TENM2: variants seen among roughly 807,000 people sequenced by gnomAD.
TENM2 encodes the protein teneurin-2.
In TENM2, 52 loss-of-function variants were observed where a neutral mutation model predicts 245.2. The observed-to-expected ratio is 0.21, with a 90% CI of 0.17 to 0.27. The LOEUF (loss-of-function observed/expected upper bound fraction) is 0.27, where lower values mean the gene tolerates loss of function less well. Among genes scored for constraint, TENM2 ranks in the 10% least tolerant of loss-of-function variants. The pLI is 1.00. For missense variants in TENM2, 3,046 were observed against 3,666.8 expected, an observed-to-expected ratio of 0.83 and a Z score of 4.37; for synonymous variants, 1,363 against 1,438.9, an observed-to-expected ratio of 0.95 and a Z score of 1.19.
At chr5:167,245,399 A>G in the TENM2 span, among the ~76,000 whole-genome samples, 1 of 152,202 alleles carries the variant, frequency 6.6e-6, no homozygotes, top group East Asian at 1.9e-4. Context: ...AGGTATTCTC[A>G]TTTACTTCTA....
chr5:167,894,669 A>T (rs774259907), intron 3 of TENM2, among the ~76,000 whole-genome samples: 1 of 151,976 alleles, frequency 6.6e-6, no homozygotes, highest in Non-Finnish European at 1.5e-5. Context: ...TCAACACCCA[A>T]CAGTGCCCTG....
chr5:167,143,013 C>T, the TENM2 span, among the ~76,000 whole-genome samples: 3 of 152,142 alleles, frequency 2.0e-5, no homozygotes, highest in Non-Finnish European at 4.4e-5. Context: ...AAAATGTAAG[C>T]TTTAGTAGTC....
intron 1 of TENM2, among the ~76,000 whole-genome samples, chr5:167,348,737 A>G (rs910009837): frequency 6.6e-6 from 1 of 152,218 alleles, no homozygotes; most frequent in Non-Finnish European, 1.5e-5. Flanking sequence ...ATTAATGAGT[A>G]ACTATTATTC....
At chr5:167,080,104 C>A in the TENM2 span, among the ~76,000 whole-genome samples, 1 of 152,302 alleles carries the variant, frequency 6.6e-6, no homozygotes, top group Admixed American at 6.5e-5. Flanking sequence ...TTACCTTCCA[C>A]AAATGCAGCA....
intron 2 of TENM2, among the ~76,000 whole-genome samples, chr5:167,391,647 A>AAT (rs70976420): frequency 0.029 from 3,694 of 126,768 alleles, 256 homozygotes; most frequent in African/African-American, 0.036. Context: ...AAAAAAAAAA[A>AAT]GCACTCTCAA....
intron 2 of TENM2, among the ~76,000 whole-genome samples, chr5:167,872,824 T>A (rs1170705752): frequency 6.6e-6 from 1 of 152,282 alleles, no homozygotes; most frequent in Non-Finnish European, 1.5e-5. Flanking sequence ...CAGCTCTCTC[T>A]GTACTATATG....
intron 2 of TENM2, among the ~76,000 whole-genome samples, chr5:167,759,786 A>G (rs1442150171): frequency 6.6e-6 from 1 of 152,200 alleles, no homozygotes; most frequent in East Asian, 1.9e-4. Flanking sequence ...AGATACAGCC[A>G]TGAGCCTGGA....
At chr5:168,034,733 C>T (rs1787509858) in intron 5 of TENM2, among the ~76,000 whole-genome samples, 3 of 152,116 alleles carry the variant, frequency 2.0e-5, no homozygotes, top group Admixed American at 6.5e-5. Context: ...GACTGCACCA[C>T]TACCCTCCAA....
At chr5:167,996,700 C>G (rs2152026454) in intron 5 of TENM2, among the ~76,000 whole-genome samples, 1 of 143,398 alleles carries the variant, frequency 7.0e-6, no homozygotes, top group East Asian at 2.2e-4. Context: ...GAACTAGAAG[C>G]ATTTCCATTT....
At chr5:167,559,574 A>G (rs1052776692) in intron 2 of TENM2, among the ~76,000 whole-genome samples, 2 of 152,176 alleles carry the variant, frequency 1.3e-5, no homozygotes, top group Non-Finnish European at 2.9e-5. Context: ...TCACTGGATT[A>G]AAAAAATCTC....
At chr5:168,099,815 G>A (rs923909215) in intron 9 of TENM2, among the ~76,000 whole-genome samples, 2 of 152,160 alleles carry the variant, frequency 1.3e-5, no homozygotes, top group Non-Finnish European at 2.9e-5. Context: ...CTGATGGCAC[G>A]TGCGTGAGAC....
intron 5 of TENM2, among the ~76,000 whole-genome samples, chr5:168,026,048 T>A (rs182273557): frequency 8.8e-4 from 134 of 152,188 alleles, no homozygotes; most frequent in Admixed American, 8.7e-3. Context: ...GGGAAGATCA[T>A]AGTTGGGAGT....
At chr5:167,709,262 G>T (rs1758745493) in intron 2 of TENM2, among the ~76,000 whole-genome samples, 1 of 152,092 alleles carries the variant, frequency 6.6e-6, no homozygotes, top group South Asian at 2.1e-4. Context: ...CGGGTTATTT[G>T]ATCTTTTACT....
At chr5:167,735,273 A>G (rs1456800081) in intron 2 of TENM2, among the ~76,000 whole-genome samples, 1 of 152,230 alleles carries the variant, frequency 6.6e-6, no homozygotes, top group African/African-American at 2.4e-5. Context: ...CTATGTCAAG[A>G]TATCCAAGGC....
intron 1 of TENM2, among the ~76,000 whole-genome samples, chr5:167,372,685 T>TG: frequency 6.6e-6 from 1 of 152,344 alleles, no homozygotes; most frequent in African/African-American, 2.4e-5. Flanking sequence ...TCATTTATTG[T>TG]GGGAAAATGA....
intron 1 of TENM2, among the ~76,000 whole-genome samples, chr5:167,303,927 T>G (rs777843906): frequency 1.3e-5 from 2 of 152,132 alleles, no homozygotes; most frequent in Non-Finnish European, 2.9e-5. Flanking sequence ...ATCTCCCAGT[T>G]CCTCAAGAAA....
At chr5:167,425,580 A>G (rs915754193) in intron 2 of TENM2, among the ~76,000 whole-genome samples, 2 of 152,178 alleles carry the variant, frequency 1.3e-5, no homozygotes, top group African/African-American at 4.8e-5. Context: ...GGTGCTTTTC[A>G]GTTATCTTCC....
chr5:168,169,165 C>T (rs13176788), intron 13 of TENM2, among the ~76,000 whole-genome samples: 32,493 of 152,090 alleles, frequency 0.21, 4,153 homozygotes, highest in East Asian at 0.34. Context: ...AGAGAAAGCG[C>T]AGCCCATTGT....
At chr5:167,969,788 C>T (rs1392420629) in intron 4 of TENM2, among the ~76,000 whole-genome samples, 2 of 152,202 alleles carry the variant, frequency 1.3e-5, no homozygotes, top group Non-Finnish European at 2.9e-5. Flanking sequence ...CAACAACACT[C>T]CCTTGATTGA....
Sources: gnomAD v4.1 joint callset for allele counts (sites outside exome capture counted in the v4.1 genomes callset) on GRCh38, gnomAD v4.1.1 for gene constraint, MANE v1.5 for transcripts, NCBI Gene and HGNC (gene_info 2026-07-23, HGNC 2026-07-21) for gene names.